CD2AP: variants seen among roughly 807,000 people sequenced by gnomAD.
The protein encoded by CD2AP is CD2 associated protein, also known as CD2-associated protein.
Under a neutral mutation model 85.1 loss-of-function variants are expected in CD2AP, and 46 were observed. That is an observed-to-expected ratio of 0.54 (90% CI 0.43 to 0.69). The LOEUF (loss-of-function observed/expected upper bound fraction) is 0.69. Among genes scored for constraint, CD2AP ranks in the 30% least tolerant of loss-of-function variants. The pLI is 0.00. For missense variants in CD2AP, 769 were observed against 729.5 expected (o/e 1.05, Z -0.62); for synonymous variants, 255 against 252.9 (o/e 1.01, Z -0.08).
chr6:47,514,024 C>G (rs1036008558), intron 2 of CD2AP, among the ~76,000 whole-genome samples: 12 of 151,966 alleles, frequency 7.9e-5, no homozygotes, highest in Admixed American at 2.0e-4. Flanking sequence ...GATATTTCTT[C>G]TATTTTTCCT....
At position 47,624,118 on chromosome 6, in the gene CD2AP, CAT is replaced by C. The variant is rs1769835560; in HGVS notation, c.1879-66_1879-65del. ...TGAAAGTATGATCACATCTTAATGA[CAT>C]AGAGTAAAATAAACTACTAAACTAA... On this transcript the variant is annotated intron_variant, in intron 17 of 17. Transcript: ENST00000359314. The C allele has an allele frequency of 1.2e-5, 15 of 1,208,132 alleles. No homozygotes were observed. In the South Asian group the frequency reaches 1.7e-4, roughly 14 times the overall value. 74.8% of individuals were successfully genotyped at this position (1,208,132 alleles called of 1,614,324 possible).
intron 3 of CD2AP, among the ~76,000 whole-genome samples, chr6:47,534,783 G>C (rs1766981222): frequency 6.6e-6 from 1 of 151,260 alleles, no homozygotes; most frequent in Admixed American, 6.7e-5. Context: ...AAAACCAGAA[G>C]ACCCTTCAGA....
chr6:47,575,307 G>T (rs1768275977), intron 6 of CD2AP, among the ~76,000 whole-genome samples: 1 of 152,178 alleles, frequency 6.6e-6, no homozygotes, highest in South Asian at 2.1e-4. Flanking sequence ...ATAGAAATTA[G>T]ACTAGATGAT....
chr6:47,484,903 C>A (rs1765528969), intron 1 of CD2AP, among the ~76,000 whole-genome samples: 1 of 152,102 alleles, frequency 6.6e-6, no homozygotes, highest in South Asian at 2.1e-4. Context: ...CAATAATAAA[C>A]CACACATAGG....
intron 2 of CD2AP, among the ~76,000 whole-genome samples, chr6:47,524,120 TG>T (rs1007161791): frequency 2.0e-5 from 3 of 152,226 alleles, no homozygotes; most frequent in African/African-American, 7.2e-5. Context: ...TGTTAATGTT[TG>T]CCTTGGACTT....
Position 47,594,416 on chromosome 6 carries a change from A to G in CD2AP, c.1109-1445A>G, listed in dbSNP as rs1027730607. 1.2e-4 allele frequency among the ~76,000 whole-genome samples: 18 copies of G among 151,988 alleles called. 1 individual carries two copies. The South Asian group carries it at 1.2e-3, about 11-fold the overall frequency. Reference sequence around the variant, plus strand: ...TGAGTCGTATTTTTGTTACCTTTTGATTTCCATGTATTCTTTTTTTTAGAC... The same window carrying G: ...TGAGTCGTATTTTTGTTACCTTTTGGTTTCCATGTATTCTTTTTTTTAGAC... On this transcript the variant is annotated intron_variant, in intron 11 of 17. Transcript: ENST00000359314.
At chr6:47,524,092 A>G (rs1766663033) in intron 2 of CD2AP, among the ~76,000 whole-genome samples, 1 of 152,202 alleles carries the variant, frequency 6.6e-6, no homozygotes, top group South Asian at 2.1e-4. Flanking sequence ...AATTCAAGAC[A>G]TTATTATATA....
intron 2 of CD2AP, among the ~76,000 whole-genome samples, chr6:47,515,800 G>GA (rs892296881): frequency 2.2e-4 from 32 of 146,418 alleles, no homozygotes; most frequent in Admixed American, 5.4e-4. Context: ...CCTGGAAAAG[G>GA]AAAAAAAAAA....
chr6:47,526,069 T>C (rs1038950265), intron 2 of CD2AP, among the ~76,000 whole-genome samples: 2 of 152,142 alleles, frequency 1.3e-5, no homozygotes, highest in Non-Finnish European at 2.9e-5. Context: ...CTGGCTCTTT[T>C]GGTAAAAGTG....
chr6:47,582,284 T>G, intron 11 of CD2AP: 1 of 449,068 alleles, frequency 2.2e-6, no homozygotes, highest in Non-Finnish European at 4.1e-6. Flanking sequence ...GGATGTTGTC[T>G]TTATTCAGTT....
chr6:47,618,070 G>C (rs183860883), intron 17 of CD2AP, among the ~76,000 whole-genome samples: 1 of 152,300 alleles, frequency 6.6e-6, no homozygotes, highest in Admixed American at 6.5e-5. Context: ...TGTAATCCCA[G>C]CACTTTGGAA....
At chr6:47,520,694 T>G (rs1323014521) in intron 2 of CD2AP, among the ~76,000 whole-genome samples, 2 of 151,326 alleles carry the variant, frequency 1.3e-5, no homozygotes, top group East Asian at 3.9e-4. Context: ...GGTTCCCTAC[T>G]TGGTCATTGC....
intron 5 of CD2AP, among the ~76,000 whole-genome samples, chr6:47,569,156 A>T (rs78654804): frequency 0.013 from 1,918 of 152,192 alleles, 36 homozygotes; most frequent in African/African-American, 0.041. Context: ...TATATTCAAG[A>T]TTTGTTTTGT....
chr6:47,509,071 G>C (rs1766251900), intron 2 of CD2AP, among the ~76,000 whole-genome samples: 1 of 152,046 alleles, frequency 6.6e-6, no homozygotes, highest in East Asian at 1.9e-4. Flanking sequence ...CCTTTCACTT[G>C]AATACTAGAG....
chr6:47,554,648 A>G lies in CD2AP; in HGVS notation c.423A>G (p.Val141=). ...VGDIIDINEE[V]EEGWWSGTLN... is the part of the protein sequence containing the mutation. ...TTTTGAATTGTGAACTTTTTCAGGTAGAAGAAGGCTGGTGGAGTGGAACCC... is the reference window on the plus strand; with the variant it reads ...TTTTGAATTGTGAACTTTTTCAGGTGGAAGAAGGCTGGTGGAGTGGAACCC... The change falls in exon 5 of 18, where the codon GTA becomes GTG. Residue 141 remains valine (V), a splice_region_variant and synonymous_variant. Coordinates refer to ENST00000359314, the MANE Select transcript of CD2AP (RefSeq NM_012120.3). 6.2e-7 allele frequency: 1 copy of G among 1,613,672 alleles called. No individual in the cohort carries two copies. The highest frequency in any genetic ancestry group is 8.5e-7 in the Non-Finnish European group (1 of 1,179,728).
At chr6:47,482,077 A>C (rs1765460233) in intron 1 of CD2AP, among the ~76,000 whole-genome samples, 1 of 152,228 alleles carries the variant, frequency 6.6e-6, no homozygotes, top group Non-Finnish European at 1.5e-5. Context: ...ATCTTGATTC[A>C]TACAGATAAG....
chr6:47,550,879 G>A lies in CD2AP; in HGVS notation c.421-3767G>A, dbSNP rs183092841. 3.2e-3 allele frequency among the ~76,000 whole-genome samples: 494 copies of A among 152,278 alleles called. 2 individuals carry two copies. The highest frequency in any genetic ancestry group is 5.8e-3 in the Non-Finnish European group (393 of 68,018). ...AAAAAGGAATGATTTCATGGCATTCGCAGCTACCTGGATGAGATTGGAGAC... is the reference window on the plus strand; with the variant it reads ...AAAAAGGAATGATTTCATGGCATTCACAGCTACCTGGATGAGATTGGAGAC... On this transcript the variant is annotated intron_variant, in intron 4 of 17. Coordinates refer to ENST00000359314, the MANE Select transcript of CD2AP (RefSeq NM_012120.3).
chr6:47,576,597 T>A lies in CD2AP; in HGVS notation c.803T>A (p.Ile268Asn). Residue 268 changes from isoleucine (I) to asparagine (N), a missense_variant, in exon 7 of 18, where the codon ATT becomes AAT. By Grantham distance (149) the Ile-to-Asn change is moderately radical (BLOSUM62 -3). Transcript: ENST00000359314. ...ACAAAAACAGATACCGAAGGTAAAA[T>A]TAAAGGTATGTTTTTGAATAAAGCT... ...EITKTDTEGK[I>N]KAKEYCRTLF... 6.2e-7 allele frequency: 1 copy of A among 1,604,826 alleles called. No individual in the cohort carries two copies. The highest frequency in any genetic ancestry group is 8.5e-7 in the Non-Finnish European group (1 of 1,172,088).
chr6:47,541,312 G>C (rs1299566040), intron 3 of CD2AP, among the ~76,000 whole-genome samples: 3 of 152,226 alleles, frequency 2.0e-5, no homozygotes, highest in South Asian at 2.1e-4. Flanking sequence ...TTTTAGTAGA[G>C]ATGGGGTTTC....
Sources: gnomAD v4.1 joint callset for allele counts (sites outside exome capture counted in the v4.1 genomes callset) on GRCh38, gnomAD v4.1.1 for gene constraint, MANE v1.5 for transcripts, NCBI Gene and HGNC (gene_info 2026-07-23, HGNC 2026-07-21) for gene names.